The following PREX1 variants were observed in gnomAD, a reference collection of about 807,000 sequenced individuals.
The protein encoded by PREX1 is phosphatidylinositol-3,4,5-trisphosphate dependent Rac exchange factor 1.
In PREX1, 41 loss-of-function variants were observed where a neutral mutation model predicts 198.3. The ratio of observed to expected loss-of-function variants is 0.21; its 90% CI spans 0.16 to 0.27. The LOEUF (loss-of-function observed/expected upper bound fraction) is 0.27. Ranked by LOEUF, PREX1 falls within the 10% of genes least tolerant of loss-of-function variation. The pLI is 1.00. For synonymous variants in PREX1, 843 were observed against 887.2 expected, an observed-to-expected ratio of 0.95 and a Z score of 0.89; for missense variants, 1,620 against 2,200.7, an observed-to-expected ratio of 0.74 and a Z score of 5.28.
In PREX1 at chr20:48,657,310, G is replaced by A. The variant is rs147273479; in HGVS notation, c.1975-122C>T. 7,815 of 1,199,128 alleles carry A rather than the reference G, an allele frequency of 6.5e-3. 59 individuals carry two copies. Among genetic ancestry groups the A allele is most frequent in the Non-Finnish European group, 6.7e-3 (5,744 of 854,784 alleles). The allele number at this position is 1,199,128 out of a possible 1,614,324, so 74.3% of individuals were successfully genotyped here. A position where few individuals can be genotyped will look rare whatever the true frequency, so the allele number is the denominator to read the frequency against. ...GGCCCAAGGGATCCAGCAGGACTGG[G>A]TGACTGCGTGCTGTCTGTGGTAAGC... is the stretch of plus-strand genomic sequence containing the variant. On this transcript the variant is annotated intron_variant, in intron 17 of 39. Coordinates refer to ENST00000371941, the MANE Select transcript of PREX1 (RefSeq NM_020820.4).
rs2089542057 is a variant in PREX1, at chr20:48,656,254, G to A, written c.2123+786C>T. 3.9e-5 allele frequency among the ~76,000 whole-genome samples: 6 copies of A among 152,070 alleles called. No individual in the cohort carries two copies. The South Asian group carries it at 1.0e-3, about 26-fold the overall frequency. ...CTTTGCTCCCCGGTACCTACCCCTA[G>A]CACGGGTCTGCTCCTCCCACCCCTG... On this transcript the variant is annotated intron_variant, in intron 18 of 39. Coordinates refer to ENST00000371941, the MANE Select transcript of PREX1 (RefSeq NM_020820.4).
chr20:48,679,878 C>T, intron 11 of PREX1, 124 bp from the exon 12 acceptor site: 1 of 734,658 alleles, frequency 1.4e-6, no homozygotes, highest in Non-Finnish European at 2.3e-6. Context: ...CACCCACCAG[C>T]ATCAGGCTTC....
At chr20:48,813,848 T>C (rs1047769068) in intron 1 of PREX1, among the ~76,000 whole-genome samples, 1 of 152,212 alleles carries the variant, frequency 6.6e-6, no homozygotes, top group African/African-American at 2.4e-5. Context: ...CATTTTACCA[T>C]ACTGGGTTCC....
chr20:48,673,837 G>A (rs765288300), intron 14 of PREX1, among the ~76,000 whole-genome samples: 16 of 152,160 alleles, frequency 1.1e-4, no homozygotes, highest in Non-Finnish European at 1.3e-4. Flanking sequence ...AATAGTTAAC[G>A]TTTATTGAGC....
At chr20:48,777,882 T>C (rs1289440003) in intron 1 of PREX1, among the ~76,000 whole-genome samples, 1 of 152,112 alleles carries the variant, frequency 6.6e-6, no homozygotes, top group Non-Finnish European at 1.5e-5. Flanking sequence ...ATCGGGATTA[T>C]CAGTATTTCA....
chr20:48,656,113 C>T (rs998551174), intron 18 of PREX1, among the ~76,000 whole-genome samples: 2 of 152,160 alleles, frequency 1.3e-5, no homozygotes, highest in African/African-American at 4.8e-5. Flanking sequence ...GTCAGCTCGC[C>T]TTTTTACTGA....
intron 3 of PREX1, among the ~76,000 whole-genome samples, chr20:48,739,113 C>A (rs1168018403): frequency 6.6e-6 from 1 of 152,168 alleles, no homozygotes; most frequent in Non-Finnish European, 1.5e-5. Flanking sequence ...GCCCTGCCCC[C>A]ACTATGACAC....
At chr20:48,791,844 T>C (rs2090340243) in intron 1 of PREX1, among the ~76,000 whole-genome samples, 2 of 152,158 alleles carry the variant, frequency 1.3e-5, no homozygotes, top group Non-Finnish European at 2.9e-5. Flanking sequence ...AAAAATCGAG[T>C]GATTTCATAC....
At chr20:48,750,773 C>T (rs186373034) in intron 1 of PREX1, among the ~76,000 whole-genome samples, 95 of 152,260 alleles carry the variant, frequency 6.2e-4, no homozygotes, top group African/African-American at 2.2e-3. Context: ...TATACAAGCT[C>T]CTAAGGGAAA....
the PREX1 span, among the ~76,000 whole-genome samples, chr20:48,850,855 T>C: frequency 2.0e-5 from 3 of 152,158 alleles, no homozygotes; most frequent in African/African-American, 7.2e-5. Context: ...CCTCTTCATC[T>C]TCTAAATTAG....
chr20:48,816,422 G>A (rs2090459494), intron 1 of PREX1, among the ~76,000 whole-genome samples: 1 of 152,188 alleles, frequency 6.6e-6, no homozygotes, highest in South Asian at 2.1e-4. Context: ...AAATGACAGA[G>A]GCGAAGGGAT....
At chr20:48,672,925 G>C (rs2089685703) in intron 14 of PREX1, among the ~76,000 whole-genome samples, 1 of 152,108 alleles carries the variant, frequency 6.6e-6, no homozygotes, top group Non-Finnish European at 1.5e-5. Context: ...ATCCTCACCA[G>C]AACGTAATAT....
intron 1 of PREX1, among the ~76,000 whole-genome samples, chr20:48,771,332 A>AT (rs1246282853): frequency 2.0e-5 from 3 of 150,624 alleles, no homozygotes; most frequent in Admixed American, 2.0e-4. Flanking sequence ...GTATCTGGGG[A>AT]TTTTCCCCCC....
intron 1 of PREX1, among the ~76,000 whole-genome samples, chr20:48,767,398 G>T (rs1235399884): frequency 6.6e-6 from 1 of 152,152 alleles, no homozygotes; most frequent in Non-Finnish European, 1.5e-5. Flanking sequence ...TCAAACGAGG[G>T]CCCTGAAGAG....
At chr20:48,772,591 G>A (rs2090241765) in intron 1 of PREX1, among the ~76,000 whole-genome samples, 1 of 152,252 alleles carries the variant, frequency 6.6e-6, no homozygotes, top group Non-Finnish European at 1.5e-5. Context: ...AAGCTGGAAA[G>A]GAAGTCGGCA....
chr20:48,786,481 C>A (rs1327608552), intron 1 of PREX1, among the ~76,000 whole-genome samples: 1 of 152,036 alleles, frequency 6.6e-6, no homozygotes, highest in East Asian at 1.9e-4. Flanking sequence ...CGGTGGCTCA[C>A]GCCTATAATC....
rs547044792 is a variant in PREX1 at position 48,726,688 on chromosome 20, T to C, written c.520-297A>G. 2.6e-5 allele frequency among the ~76,000 whole-genome samples: 4 copies of C among 152,316 alleles called. No homozygotes were observed. In the East Asian group the frequency reaches 7.7e-4, roughly 29 times the overall value. ...TGAGTTGTTGGGGAAAAAAAGGCCA[T>C]ATAGTGGCAAAACTTAAAATATTGA... On this transcript the variant is annotated intron_variant, in intron 4 of 39. Coordinates refer to ENST00000371941, the MANE Select transcript of PREX1 (RefSeq NM_020820.4).
At chr20:48,739,630 G>A (rs938596526) in intron 3 of PREX1, among the ~76,000 whole-genome samples, 2 of 152,190 alleles carry the variant, frequency 1.3e-5, no homozygotes, top group African/African-American at 4.8e-5. Flanking sequence ...TACGAGCCGC[G>A]TGGCAGCACG....
At chr20:48,773,846 T>C (rs2090248634) in intron 1 of PREX1, among the ~76,000 whole-genome samples, 1 of 152,182 alleles carries the variant, frequency 6.6e-6, no homozygotes, top group Non-Finnish European at 1.5e-5. Context: ...TAAGGGGCCA[T>C]CTGGCTGTGT....
Sources: allele counts gnomAD v4.1 joint callset (sites outside exome capture counted in the v4.1 genomes callset), GRCh38; gene constraint gnomAD v4.1.1; transcripts MANE v1.5; gene names NCBI Gene and HGNC (gene_info 2026-07-23, HGNC 2026-07-21).